Variants in LDLRAD3 observed in about 807,000 individuals in gnomAD.
LDLRAD3 encodes low-density lipoprotein receptor class A domain-containing protein 3.
In LDLRAD3, 20 loss-of-function variants were observed where a neutral mutation model predicts 29.4. That is an observed-to-expected ratio of 0.68 (90% confidence interval 0.48 to 0.99). The LOEUF (loss-of-function observed/expected upper bound fraction) is 0.99, where lower values mean the gene tolerates loss of function less well. Among genes scored for constraint, LDLRAD3 ranks in the 50% least tolerant of loss-of-function variants. The pLI, the probability that LDLRAD3 is intolerant of heterozygous loss-of-function variation, is 0.00. For missense variants in LDLRAD3, 420 were observed against 454.3 expected, an observed-to-expected ratio of 0.92 and a Z score of 0.69; for synonymous variants, 157 against 192.7, an observed-to-expected ratio of 0.81 and a Z score of 1.53.
intron 4 of LDLRAD3, among the ~76,000 whole-genome samples, chr11:36,151,448 ACCG>A (rs1854276665): frequency 6.6e-6 from 1 of 152,284 alleles, no homozygotes; most frequent in Admixed American, 6.5e-5. Context: ...GGACTCTGTT[ACCG>A]CCATTTTACG....
chr11:36,223,169 CACT>C (rs1405885326), intron 4 of LDLRAD3, among the ~76,000 whole-genome samples: 3 of 152,162 alleles, frequency 2.0e-5, no homozygotes, highest in South Asian at 4.1e-4. Context: ...GAGCAGGCAC[CACT>C]GAGTTATGCA....
chr11:36,019,522 T>G (rs1005956828), intron 1 of LDLRAD3, among the ~76,000 whole-genome samples: 1 of 152,186 alleles, frequency 6.6e-6, no homozygotes, highest in African/African-American at 2.4e-5. Context: ...ACACCAGAGC[T>G]TCCAGGAATG....
At chr11:36,165,930 C>G (rs977993187) in intron 4 of LDLRAD3, among the ~76,000 whole-genome samples, 1 of 149,074 alleles carries the variant, frequency 6.7e-6, no homozygotes, top group Non-Finnish European at 1.5e-5. Flanking sequence ...CTTTTCTAGG[C>G]TGACTGGCTT....
At chr11:35,955,500 CGTA>C (rs1851190271) in intron 1 of LDLRAD3, among the ~76,000 whole-genome samples, 1 of 151,926 alleles carries the variant, frequency 6.6e-6, no homozygotes, top group Non-Finnish European at 1.5e-5. Flanking sequence ...CTTTCGGACA[CGTA>C]GTAAAATTCA....
At chr11:36,025,681 G>T (rs904814474) in intron 1 of LDLRAD3, among the ~76,000 whole-genome samples, 4 of 143,694 alleles carry the variant, frequency 2.8e-5, no homozygotes, top group African/African-American at 1.0e-4. Flanking sequence ...GAGCCACCGC[G>T]CCCGGCCCAG....
At chr11:36,093,707 CTT>C (rs538649639) in intron 3 of LDLRAD3, among the ~76,000 whole-genome samples, 35 of 152,232 alleles carry the variant, frequency 2.3e-4, no homozygotes, top group Middle Eastern at 3.4e-3. Flanking sequence ...TTCCTGAGCT[CTT>C]GTCCCATGTC....
At chr11:36,069,817 C>T (rs1852865994) in intron 2 of LDLRAD3, among the ~76,000 whole-genome samples, 1 of 152,094 alleles carries the variant, frequency 6.6e-6, no homozygotes, top group Non-Finnish European at 1.5e-5. Context: ...TCAAATGTGG[C>T]CTAGGTGTCT....
At chr11:36,155,856 G>C (rs548742778) in intron 4 of LDLRAD3, among the ~76,000 whole-genome samples, 1 of 152,176 alleles carries the variant, frequency 6.6e-6, no homozygotes, top group Non-Finnish European at 1.5e-5. Context: ...GCCTAGTCTT[G>C]GTCCTTAAAA....
intron 1 of LDLRAD3, among the ~76,000 whole-genome samples, chr11:35,992,793 C>G (rs754492097): frequency 1.3e-5 from 2 of 152,106 alleles, no homozygotes; most frequent in African/African-American, 2.4e-5. Flanking sequence ...GGTTGCACAA[C>G]TCTGCATATA....
At chr11:36,092,087 CA>C (rs1316206827) in intron 3 of LDLRAD3, among the ~76,000 whole-genome samples, 1 of 152,200 alleles carries the variant, frequency 6.6e-6, no homozygotes. Flanking sequence ...TTATGCCTTT[CA>C]ACACCAGCAA....
chr11:36,168,640 G>A (rs1030090293), intron 4 of LDLRAD3, among the ~76,000 whole-genome samples: 2 of 151,796 alleles, frequency 1.3e-5, no homozygotes, highest in African/African-American at 2.4e-5. Flanking sequence ...CACAAAGCAA[G>A]CAAAGCAGTA....
At chr11:36,076,214 G>GTCCA (rs1214373074) in intron 2 of LDLRAD3, among the ~76,000 whole-genome samples, 20 of 107,532 alleles carry the variant, frequency 1.9e-4, no homozygotes, top group East Asian at 8.5e-4. Context: ...TTGTCTGTCT[G>GTCCA]TCCATCCGTC....
intron 1 of LDLRAD3, among the ~76,000 whole-genome samples, chr11:36,032,101 G>C (rs934711668): frequency 1.3e-5 from 2 of 152,144 alleles, no homozygotes; most frequent in African/African-American, 4.8e-5. Context: ...TATGGAATTA[G>C]GGCCCACCCT....
At chr11:36,227,623 C>T (rs1855519691) in intron 5 of LDLRAD3, among the ~76,000 whole-genome samples, 193 bp downstream of exon 5, 1 of 152,208 alleles carries the variant, frequency 6.6e-6, no homozygotes, top group Non-Finnish European at 1.5e-5. Context: ...CCTCTTAGCA[C>T]CTCGCTGAGG....
intron 2 of LDLRAD3, among the ~76,000 whole-genome samples, chr11:36,070,044 A>G (rs1852871950): frequency 6.6e-6 from 1 of 152,178 alleles, no homozygotes; most frequent in Non-Finnish European, 1.5e-5. Flanking sequence ...ATAGCTCCCC[A>G]ATCAGGGCAC....
chr11:35,960,739 G>A (rs1334515555), intron 1 of LDLRAD3, among the ~76,000 whole-genome samples: 3 of 152,204 alleles, frequency 2.0e-5, no homozygotes, highest in Non-Finnish European at 4.4e-5. Context: ...TGGGATTATA[G>A]GCTTGTGTTC....
At chr11:35,971,432 G>A (rs1851411085) in intron 1 of LDLRAD3, among the ~76,000 whole-genome samples, 1 of 145,946 alleles carries the variant, frequency 6.9e-6, no homozygotes, top group Non-Finnish European at 1.5e-5. Context: ...TACCTGTTAG[G>A]CTGTTAGGAT....
intron 1 of LDLRAD3, among the ~76,000 whole-genome samples, chr11:35,972,196 A>C (rs1244663173): frequency 2.6e-5 from 4 of 152,080 alleles, no homozygotes; most frequent in Non-Finnish European, 4.4e-5. Context: ...TTTCACAGAA[A>C]CCAGATCTTA....
intron 1 of LDLRAD3, among the ~76,000 whole-genome samples, chr11:36,016,672 C>T (rs1291521399): frequency 2.0e-5 from 3 of 152,164 alleles, no homozygotes; most frequent in African/African-American, 7.2e-5. Flanking sequence ...CTAAAAGGAC[C>T]TCTCAGTTCC....
Sources: gnomAD v4.1 joint callset for allele counts (sites outside exome capture counted in the v4.1 genomes callset) on GRCh38, gnomAD v4.1.1 for gene constraint, MANE v1.5 for transcripts, NCBI Gene and HGNC (gene_info 2026-07-23, HGNC 2026-07-21) for gene names.